The following ITPR1 variants were observed in gnomAD, a reference collection of about 807,000 sequenced individuals.
ITPR1 encodes inositol 1,4,5-trisphosphate-gated calcium channel ITPR1.
In ITPR1, 96 loss-of-function variants were observed where a neutral mutation model predicts 318.4. The ratio of observed to expected loss-of-function variants is 0.30; its 90% CI spans 0.26 to 0.36. ITPR1 has a LOEUF of 0.36. ITPR1 is among the 10% of genes least tolerant of loss of function. The pLI, the probability that ITPR1 is intolerant of heterozygous loss-of-function variation, is 1.00. For missense variants in ITPR1, 2,440 were observed against 3,460.2 expected, an observed-to-expected ratio of 0.71 and a Z score of 7.40; for synonymous variants, 1,312 against 1,289.9, an observed-to-expected ratio of 1.02 and a Z score of -0.37.
Position 4,665,145 on chromosome 3 carries a change from A to G in ITPR1, c.1562A>G (p.Lys521Arg). The change falls in exon 17 of 62, where the codon AAG becomes AGG. Residue 521 changes from lysine to arginine, a missense_variant. This residue lies in a region of ITPR1 where 478 missense variants were observed against 696.3 expected (regional missense o/e 0.69). Coordinates refer to ENST00000649015, the MANE Select transcript of ITPR1 (RefSeq NM_001378452.1). ...REQNILKQIF[K>R]LLQAPFTDCG... The stretch of plus-strand genomic sequence containing the variant: ...TTTCATTTTCACAAACAGATCTTCA[A>G]GTTGTTACAAGCCCCATTCACAGAC... The G allele has an allele frequency of 1.2e-6, 2 of 1,614,028 alleles. No individual in the cohort carries two copies. Among genetic ancestry groups the G allele is most frequent in the Non-Finnish European group, 1.7e-6 (2 of 1,179,886 alleles).
At chr3:4,803,080 T>A (rs2048343892) in intron 54 of ITPR1, among the ~76,000 whole-genome samples, 1 of 152,102 alleles carries the variant, frequency 6.6e-6, no homozygotes, top group Admixed American at 6.5e-5. Flanking sequence ...CTCAGGGAGC[T>A]TTCACTCATG....
rs747020937 is a variant in ITPR1 at position 4,800,488 on chromosome 3, T to C, written c.6995T>C (p.Val2332Ala). The C allele has an allele frequency of 1.9e-6, 3 of 1,614,042 alleles. No individual in the cohort carries two copies. Among genetic ancestry groups the C allele is most frequent in the East Asian group, 2.2e-5 (1 of 44,888 alleles). Residue 2332 changes from valine to alanine, a missense_variant, in exon 54 of 62, where the codon GTC (valine) becomes GCC (alanine). Transcript: ENST00000649015. ...WTAMLISLAIVIALPKPHGIR... is the reference protein window; with the variant it reads ...WTAMLISLAIAIALPKPHGIR... ...GCCATGCTCATCTCTCTGGCCATCGTCATTGCCCTCCCCAAGCCCCATGGC... is the reference window on the plus strand; with the variant it reads ...GCCATGCTCATCTCTCTGGCCATCGCCATTGCCCTCCCCAAGCCCCATGGC...
chr3:4,616,554 A>G (rs547760214), intron 4 of ITPR1, among the ~76,000 whole-genome samples: 1 of 152,316 alleles, frequency 6.6e-6, no homozygotes, highest in African/African-American at 2.4e-5. Flanking sequence ...TATATCACCT[A>G]TTGATTTCAT....
intron 4 of ITPR1, among the ~76,000 whole-genome samples, chr3:4,553,601 C>CTT (rs35264136): frequency 0.44 from 59,278 of 134,246 alleles, 13,834 homozygotes; most frequent in East Asian, 0.61. Context: ...TGGATAATTT[C>CTT]TTTTTTTTTT....
intron 17 of ITPR1, among the ~76,000 whole-genome samples, chr3:4,666,931 A>C (rs1049181066): frequency 6.6e-6 from 1 of 152,166 alleles, no homozygotes; most frequent in Non-Finnish European, 1.5e-5. Context: ...TTTTACCACA[A>C]ATAAAGGAAA....
At chr3:4,774,535 A>G (rs1020901793) in intron 46 of ITPR1, among the ~76,000 whole-genome samples, 1 of 152,130 alleles carries the variant, frequency 6.6e-6, no homozygotes, top group African/African-American at 2.4e-5. Flanking sequence ...TCTGACAAAA[A>G]TCTCCTCATT....
intron 44 of ITPR1, among the ~76,000 whole-genome samples, chr3:4,741,175 A>G (rs1408785644): frequency 2.0e-5 from 3 of 152,164 alleles, no homozygotes; most frequent in African/African-American, 7.2e-5. Flanking sequence ...AATGAAGAGG[A>G]GGACAGGCTA....
intron 60 of ITPR1, among the ~76,000 whole-genome samples, chr3:4,818,561 T>A (rs1355390782): frequency 6.6e-6 from 1 of 152,206 alleles, no homozygotes; most frequent in Non-Finnish European, 1.5e-5. Context: ...TGTCGCTATG[T>A]GAATCTGCCT....
At chr3:4,651,248 T>G (rs2093591747) in intron 10 of ITPR1, among the ~76,000 whole-genome samples, 1 of 152,214 alleles carries the variant, frequency 6.6e-6, no homozygotes, top group African/African-American at 2.4e-5. Context: ...AGTCTGATGT[T>G]CAGCCCAAAA....
intron 2 of ITPR1, among the ~76,000 whole-genome samples, chr3:4,508,156 G>T (rs1046350892): frequency 6.6e-6 from 1 of 152,116 alleles, no homozygotes; most frequent in African/African-American, 2.4e-5. Flanking sequence ...CTGTCAGTGG[G>T]ACTACCCTGC....
intron 2 of ITPR1, among the ~76,000 whole-genome samples, chr3:4,507,645 G>T (rs1443936190): frequency 6.6e-6 from 1 of 152,108 alleles, no homozygotes; most frequent in Non-Finnish European, 1.5e-5. Context: ...TTCTGCAGTG[G>T]GATGGGTCAT....
chr3:4,765,466 G>GA (rs1243419443), intron 44 of ITPR1, among the ~76,000 whole-genome samples: 1 of 152,188 alleles, frequency 6.6e-6, no homozygotes. Context: ...GGGCTCTGCT[G>GA]AATCAGGCAT....
At chr3:4,822,155 A>G (rs2049769193) in intron 60 of ITPR1, among the ~76,000 whole-genome samples, 1 of 152,126 alleles carries the variant, frequency 6.6e-6, no homozygotes, top group African/African-American at 2.4e-5. Flanking sequence ...CGCCTCACAC[A>G]TCCGTTGGGT....
rs973049690 is a variant in ITPR1 at position 4,653,795 on chromosome 3, A to G, written c.952-47A>G. 2.8e-6 allele frequency: 4 copies of G among 1,451,990 alleles called. No individual in the cohort carries two copies. The African/African-American group carries it at 5.6e-5, about 20-fold the overall frequency. The allele number at this position is 1,451,990 out of a possible 1,614,324, so 89.9% of individuals were successfully genotyped here. A position where few individuals can be genotyped will look rare whatever the true frequency, so the allele number is the denominator to read the frequency against. ...CTCCTGCAAGTGGGGCCCAGTCCTT[A>G]AGAAAGCAATGGATGTTTTAATTTC... is the stretch of plus-strand genomic sequence containing the variant. On this transcript the variant is annotated intron_variant, in intron 11 of 61. Transcript: ENST00000649015.
chr3:4,651,118 A>C (rs2093588467), intron 10 of ITPR1, among the ~76,000 whole-genome samples: 1 of 152,162 alleles, frequency 6.6e-6, no homozygotes, highest in Admixed American at 6.5e-5. Context: ...ATGATCCCTC[A>C]GCTTTGGCTT....
At position 4,710,744 on chromosome 3, in the gene ITPR1, C is replaced by G. The variant is rs1297659021; in HGVS notation, c.4991+271C>G. 6.6e-6 allele frequency among the ~76,000 whole-genome samples: 1 copy of G among 152,120 alleles called. No homozygotes were observed. Among genetic ancestry groups the G allele is most frequent in the Non-Finnish European group, 1.5e-5 (1 of 68,036 alleles). On this transcript the variant is annotated intron_variant, in intron 38 of 61. Coordinates refer to ENST00000649015, the MANE Select transcript of ITPR1 (RefSeq NM_001378452.1). This position sits in a 1 kb window ranked among gnomAD's most constrained non-coding sequence, Gnocchi z 4.2. ...CCATTCATTCATTCATTACAGTGCA[C>G]CCACCGTGTGCTGTGGTACAGACAT...
At chr3:4,840,791 A>G (rs2051287340) in intron 61 of ITPR1, among the ~76,000 whole-genome samples, 1 of 152,178 alleles carries the variant, frequency 6.6e-6, no homozygotes, top group African/African-American at 2.4e-5. Flanking sequence ...TTCTTATTCC[A>G]AGGAGGAGAA....
chr3:4,542,045 T>C (rs1485474815), intron 4 of ITPR1, among the ~76,000 whole-genome samples: 1 of 152,224 alleles, frequency 6.6e-6, no homozygotes, highest in African/African-American at 2.4e-5. Flanking sequence ...TCTGTATTCA[T>C]TGAGAGTTTA....
intron 4 of ITPR1, 84 bp from the exon 5 acceptor site, chr3:4,627,679 T>A (rs1004272877): frequency 2.5e-6 from 2 of 796,024 alleles, no homozygotes; most frequent in Non-Finnish European, 2.2e-6. Flanking sequence ...TGTAATTTTT[T>A]AAGTGGAAAG....
Sources: allele counts gnomAD v4.1 joint callset (sites outside exome capture counted in the v4.1 genomes callset), GRCh38; gene constraint gnomAD v4.1.1; regional missense constraint gnomAD v4.1.1; non-coding constraint Gnocchi (gnomAD v3.1); transcripts MANE v1.5; gene names NCBI Gene and HGNC (gene_info 2026-07-23, HGNC 2026-07-21).